PLBD1: variants seen among roughly 807,000 people sequenced by gnomAD.
The protein encoded by PLBD1 is phospholipase B domain containing 1, also known as lysosomal leucine aminopeptidase.
Under a neutral mutation model 63.0 loss-of-function variants are expected in PLBD1, and 60 were observed. The ratio of observed to expected loss-of-function variants is 0.95; its 90% CI spans 0.77 to 1.18. The LOEUF (loss-of-function observed/expected upper bound fraction) is 1.18. Among genes scored for constraint, PLBD1 ranks in the 50% most tolerant of loss-of-function variants. The probability of loss-of-function intolerance (pLI) is 0.00; values close to 1 mark genes in which losing one functional copy is unlikely to be tolerated. For missense variants in PLBD1, 598 were observed against 677.9 expected (o/e 0.88, Z 1.31); for synonymous variants, 262 against 248.0 (o/e 1.06, Z -0.53).
At chr12:14,527,193 A>G (rs1037184445) in intron 6 of PLBD1, among the ~76,000 whole-genome samples, 1 of 152,192 alleles carries the variant, frequency 6.6e-6, no homozygotes, top group Non-Finnish European at 1.5e-5. Flanking sequence ...ACACATTTAT[A>G]TTGCAGATAT....
Position 14,553,205 on chromosome 12 carries a change from T to A in PLBD1, c.323A>T (p.Tyr108Phe), listed in dbSNP as rs1376507027. 6 of 1,611,032 alleles carry A rather than the reference T, an allele frequency of 3.7e-6. No homozygotes were observed. The African/African-American group carries it at 6.7e-5, about 18-fold the overall frequency. Residue 108 changes from tyrosine to phenylalanine, a missense_variant, in exon 2 of 11, where the codon TAC becomes TTC. By Grantham distance (22) the Tyr-to-Phe change is conservative. Transcript: ENST00000240617. ...IMFVAGFLEG[Y>F]LTAPHMNDHY... ...CTGGGATACTTACGGGGCAGTGAGG[T>A]AACCCTCCAAAAAGCCAGCCACAAA...
intron 2 of PLBD1, among the ~76,000 whole-genome samples, chr12:14,548,356 C>G (rs770985977): frequency 1.4e-5 from 2 of 148,032 alleles, no homozygotes; most frequent in Non-Finnish European, 3.0e-5. Flanking sequence ...ACTCAGGAGG[C>G]TGAGCCTAGA....
intron 6 of PLBD1, 68 bp downstream of exon 6, chr12:14,535,591 C>G: frequency 6.5e-7 from 1 of 1,536,894 alleles, no homozygotes. Flanking sequence ...GCAGTTAACA[C>G]TGAATCACTA....
At chr12:14,554,420 C>T (rs184383271) in intron 1 of PLBD1, among the ~76,000 whole-genome samples, 54 of 152,252 alleles carry the variant, frequency 3.5e-4, no homozygotes, top group Admixed American at 7.2e-4. Context: ...ACTACAGAAG[C>T]CATCTGGATC....
intron 4 of PLBD1, among the ~76,000 whole-genome samples, chr12:14,538,069 G>A (rs1329701042): frequency 6.6e-6 from 1 of 151,830 alleles, no homozygotes; most frequent in East Asian, 1.9e-4. Context: ...ACATGGTAGT[G>A]TGTCATATGT....
At chr12:14,545,897 C>T (rs1328688725) in intron 2 of PLBD1, among the ~76,000 whole-genome samples, 1 of 152,058 alleles carries the variant, frequency 6.6e-6, no homozygotes. Flanking sequence ...TATGCTGTCA[C>T]ATACCTCTGC....
intron 6 of PLBD1, 66 bp downstream of exon 6, chr12:14,535,593 G>C: frequency 6.5e-7 from 1 of 1,540,324 alleles, no homozygotes; most frequent in Non-Finnish European, 8.9e-7. Context: ...AGTTAACACT[G>C]AATCACTAAG....
chr12:14,517,202 C>T (rs149726812), intron 6 of PLBD1, among the ~76,000 whole-genome samples: 19 of 152,150 alleles, frequency 1.2e-4, no homozygotes, highest in Middle Eastern at 3.4e-3. Context: ...GCTGGAGTGC[C>T]GTGGCGTGAT....
chr12:14,545,563 G>C (rs1945610707), intron 2 of PLBD1, among the ~76,000 whole-genome samples: 1 of 152,182 alleles, frequency 6.6e-6, no homozygotes, highest in Non-Finnish European at 1.5e-5. Flanking sequence ...TTTACCTACA[G>C]TCCTCGTTCT....
At chr12:14,560,173 C>T (rs550090709) in intron 1 of PLBD1, among the ~76,000 whole-genome samples, 255 of 152,242 alleles carry the variant, frequency 1.7e-3, no homozygotes, top group Non-Finnish European at 2.7e-3. Context: ...TTAATATTTT[C>T]TATGAGTTCA....
At position 14,553,319 on chromosome 12, in the gene PLBD1, T is replaced by C. The variant is rs778709588; in HGVS notation, c.209A>G (p.Tyr70Cys). Residue 70 changes from tyrosine (Y) to cysteine (C), a missense_variant, in exon 2 of 11, where the codon TAC (tyrosine) becomes TGC (cysteine). Transcript: ENST00000240617. The stretch of plus-strand genomic sequence containing the variant: ...GCCTGTGGTTTTCACAGAGTTATTG[T>C]AAAAGCCATAGGCGTCCCCATTCTT... ...MDKNGDAYGF[Y>C]NNSVKTTGWG... 1 of 1,614,200 alleles carries C rather than the reference T, an allele frequency of 6.2e-7. No individual in the cohort carries two copies. Among genetic ancestry groups the C allele is most frequent in the South Asian group, 1.1e-5 (1 of 91,080 alleles).
intron 6 of PLBD1, among the ~76,000 whole-genome samples, chr12:14,520,051 A>G (rs1244226310): frequency 6.6e-6 from 1 of 152,234 alleles, no homozygotes; most frequent in Non-Finnish European, 1.5e-5. Flanking sequence ...AATGTGGGAA[A>G]TGCCAGGGAG....
intron 6 of PLBD1, among the ~76,000 whole-genome samples, chr12:14,522,583 C>G (rs777723815): frequency 4.6e-5 from 7 of 152,088 alleles, no homozygotes; most frequent in Non-Finnish European, 1.0e-4. Flanking sequence ...GCCAATATCC[C>G]TAATAAACCT....
intron 4 of PLBD1, among the ~76,000 whole-genome samples, chr12:14,539,139 T>TAATA (rs1179495535): frequency 2.0e-5 from 3 of 152,234 alleles, no homozygotes; most frequent in African/African-American, 7.2e-5. Flanking sequence ...TTTGCATTTC[T>TAATA]TTTGTTATAC....
chr12:14,510,543 T>A (rs529488890), intron 8 of PLBD1, among the ~76,000 whole-genome samples: 38 of 152,348 alleles, frequency 2.5e-4, no homozygotes, highest in African/African-American at 9.1e-4. Flanking sequence ...AATAATAATT[T>A]GTGGTTTTAC....
intron 1 of PLBD1, 57 bp downstream of exon 1, chr12:14,567,525 T>C (rs1945801071): frequency 2.1e-6 from 3 of 1,427,508 alleles, no homozygotes. Context: ...GCACGGGCGC[T>C]AACAGGCTCC....
chr12:14,512,437 C>G (rs1591994358), intron 6 of PLBD1, among the ~76,000 whole-genome samples: 1 of 152,240 alleles, frequency 6.6e-6, no homozygotes, highest in East Asian at 1.9e-4. Flanking sequence ...TGTGGGCCAC[C>G]ACACCCGGCT....
intron 6 of PLBD1, chr12:14,532,930 G>A (rs1361969568): frequency 6.6e-6 from 1 of 152,272 alleles, no homozygotes; most frequent in African/African-American, 2.4e-5. Flanking sequence ...TGGGGTTCCT[G>A]TGCCCAGACC....
At chr12:14,547,743 C>T (rs140319523) in intron 2 of PLBD1, among the ~76,000 whole-genome samples, 52 of 152,282 alleles carry the variant, frequency 3.4e-4, no homozygotes, top group African/African-American at 1.2e-3. Flanking sequence ...GGCAATAACA[C>T]ATCATTTAGC....
Sources: gnomAD v4.1 joint callset for allele counts (sites outside exome capture counted in the v4.1 genomes callset) on GRCh38, gnomAD v4.1.1 for gene constraint, MANE v1.5 for transcripts, NCBI Gene and HGNC (gene_info 2026-07-23, HGNC 2026-07-21) for gene names.